Variants in ZNF431 observed in about 807,000 individuals in gnomAD.
ZNF431 encodes zinc finger protein 431.
Under a neutral mutation model 57.0 loss-of-function variants are expected in ZNF431, and 34 were observed. The ratio of observed to expected loss-of-function variants is 0.60; its 90% CI spans 0.45 to 0.79. The LOEUF is 0.79. Among genes scored for constraint, ZNF431 ranks in the 30% least tolerant of loss-of-function variants. The pLI, the probability that ZNF431 is intolerant of heterozygous loss-of-function variation, is 0.00. For missense variants in ZNF431, 607 were observed against 667.1 expected (o/e 0.91, Z 0.99); for synonymous variants, 207 against 220.3 (o/e 0.94, Z 0.54).
chr19:21,164,035 T>G (rs1256112277), intron 2 of ZNF431, among the ~76,000 whole-genome samples: 1 of 149,148 alleles, frequency 6.7e-6, no homozygotes, highest in East Asian at 2.0e-4. Context: ...GAGCTGAGAT[T>G]GCACCATTAC....
chr19:21,146,365 G>A (rs923477326), intron 2 of ZNF431, among the ~76,000 whole-genome samples: 55 of 147,586 alleles, frequency 3.7e-4, no homozygotes, highest in African/African-American at 1.2e-3. Flanking sequence ...AGCCGAGACC[G>A]TGCCACTGCA....
intron 4 of ZNF431, among the ~76,000 whole-genome samples, chr19:21,175,282 C>T (rs1971018926): frequency 6.6e-6 from 1 of 151,822 alleles, no homozygotes; most frequent in South Asian, 2.1e-4. Flanking sequence ...TCTCAAACTC[C>T]TGAGTTAAAG....
chr19:21,175,425 T>C, intron 4 of ZNF431: 1 of 696,484 alleles, frequency 1.4e-6, no homozygotes, highest in Non-Finnish European at 2.6e-6. Flanking sequence ...TTTTTTTAAG[T>C]TTAATTTAAT....
intron 4 of ZNF431, among the ~76,000 whole-genome samples, chr19:21,179,551 G>A (rs1971154957): frequency 1.4e-5 from 2 of 148,118 alleles, no homozygotes; most frequent in South Asian, 4.2e-4. Context: ...CAGAGATTCT[G>A]TTACATTGTC....
intron 4 of ZNF431, among the ~76,000 whole-genome samples, chr19:21,179,954 A>G (rs917435061): frequency 3.9e-4 from 60 of 152,246 alleles, no homozygotes; most frequent in African/African-American, 1.4e-3. Context: ...CAAGTTGTTC[A>G]TTCAGGAAAT....
At position 21,186,066 on chromosome 19, in the gene ZNF431, T is replaced by C. The variant is rs1388760520; in HGVS notation, c.*2032T>C. On this transcript the variant is annotated 3_prime_UTR_variant, in exon 5 of 5. Transcript: ENST00000311048. ...ACAGGCTGAGCGAGGGAGTGGATCT[T>C]GAGGTCAGCAGTTCGAGACCAGCAT... 5.3e-5 allele frequency: 8 copies of C among 152,016 alleles called. No homozygotes were observed. Among genetic ancestry groups the C allele is most frequent in the Non-Finnish European group, 1.0e-4 (7 of 68,002 alleles). 9.4% of individuals were successfully genotyped at this position (152,016 alleles called of 1,614,324 possible). A position where few individuals can be genotyped will look rare whatever the true frequency, so the allele number is the denominator to read the frequency against.
chr19:21,148,639 C>T (rs1026638883), intron 2 of ZNF431, among the ~76,000 whole-genome samples: 36 of 152,136 alleles, frequency 2.4e-4, no homozygotes, highest in Admixed American at 2.4e-3. Context: ...TCTTATATAA[C>T]CTTTTATCAA....
chr19:21,144,437 C>G (rs1337849620), intron 2 of ZNF431, among the ~76,000 whole-genome samples: 3 of 152,048 alleles, frequency 2.0e-5, no homozygotes, highest in Non-Finnish European at 2.9e-5. Context: ...CTCCTGACCT[C>G]AGATGATCTG....
intron 4 of ZNF431, among the ~76,000 whole-genome samples, chr19:21,179,588 T>C (rs1316079716): frequency 6.8e-6 from 1 of 147,746 alleles, no homozygotes; most frequent in Non-Finnish European, 1.5e-5. Context: ...TGAGACGGAG[T>C]CTCGCTCTGA....
chr19:21,142,334 T>G, intron 1 of ZNF431, 148 bp downstream of exon 1: 1 of 1,116,686 alleles, frequency 9.0e-7, no homozygotes, highest in Non-Finnish European at 1.3e-6. Context: ...CTCAGTCCCC[T>G]CCAGCCATAA....
intron 4 of ZNF431, 96 bp from the exon 5 acceptor site, chr19:21,182,527 C>T: frequency 1.5e-6 from 2 of 1,319,552 alleles, no homozygotes; most frequent in South Asian, 3.2e-5. Flanking sequence ...ATTATGGCAT[C>T]TTGTTTATGT....
intron 2 of ZNF431, chr19:21,150,029 C>T (rs1389343827): frequency 8.3e-5 from 49 of 593,372 alleles, no homozygotes; most frequent in Non-Finnish European, 8.6e-5. Context: ...AGTGTTAATT[C>T]CTGCTCGAAG....
intron 2 of ZNF431, among the ~76,000 whole-genome samples, chr19:21,160,751 A>G (rs749603722): frequency 5.9e-5 from 9 of 152,196 alleles, no homozygotes; most frequent in Non-Finnish European, 1.0e-4. Context: ...CTCCCTTCAT[A>G]TAAGAGGTCA....
intron 2 of ZNF431, among the ~76,000 whole-genome samples, chr19:21,154,300 G>C (rs553314593): frequency 1.3e-5 from 2 of 152,162 alleles, no homozygotes; most frequent in African/African-American, 4.8e-5. Context: ...ATAGTTTGCT[G>C]AGAATGATGG....
In ZNF431 at chr19:21,193,831, C is replaced by T. The variant is rs1740065502; in HGVS notation, c.*9797C>T. 6.6e-6 allele frequency: 1 copy of T among 152,044 alleles called. No individual in the cohort carries two copies. Among genetic ancestry groups the T allele is most frequent in the Non-Finnish European group, 1.5e-5 (1 of 68,002 alleles). The allele number at this position is 152,044 out of a possible 1,614,324, so 9.4% of individuals were successfully genotyped here. On this transcript the variant is annotated 3_prime_UTR_variant, in exon 5 of 5. Transcript: ENST00000311048. ...ATGCAGAAAAAGCATTCAAGAAAAT[C>T]CAGTATTCATTTATGAAAATATTCT...
chr19:21,193,307 T>A lies in ZNF431; in HGVS notation c.*9273T>A. On this transcript the variant is annotated 3_prime_UTR_variant, in exon 5 of 5. Coordinates refer to ENST00000311048, the MANE Select transcript of ZNF431 (RefSeq NM_133473.4). ...ACTTTGGAAGGCCGAGGTGGGCGGG[T>A]CACCTGAGGTCGGGAGTTTGAGACC... 6.6e-6 allele frequency: 1 copy of A among 152,164 alleles called. No homozygotes were observed. The highest frequency in any genetic ancestry group is 1.9e-4 in the East Asian group (1 of 5,180). 9.4% of individuals were successfully genotyped at this position (152,164 alleles called of 1,614,324 possible). A position where few individuals can be genotyped will look rare whatever the true frequency, so the allele number is the denominator to read the frequency against.
Position 21,167,662 on chromosome 19 carries a change from C to A in ZNF431, c.315C>A (p.Pro105=). Residue 105 remains proline, a synonymous_variant, in exon 4 of 5, where the codon CCC becomes CCA. Transcript: ENST00000311048. ...NMKRHEMVDE[P]PAMCSYFTKD... is the part of the protein sequence containing the mutation. Reference sequence around the variant, plus strand: ...AGAGACATGAGATGGTGGATGAACCCCCAGGTAGGTGAGAGTGAAAAAAAA... The same window carrying A: ...AGAGACATGAGATGGTGGATGAACCACCAGGTAGGTGAGAGTGAAAAAAAA... The A allele has an allele frequency of 6.4e-7, 1 of 1,560,690 alleles. No individual in the cohort carries two copies. The highest frequency in any genetic ancestry group is 8.7e-7 in the Non-Finnish European group (1 of 1,152,364).
intron 4 of ZNF431, among the ~76,000 whole-genome samples, chr19:21,179,222 A>G (rs1445753310): frequency 6.6e-6 from 1 of 151,948 alleles, no homozygotes; most frequent in Non-Finnish European, 1.5e-5. Context: ...TAGCCCCTTT[A>G]TCATTTTTTA....
intron 2 of ZNF431, among the ~76,000 whole-genome samples, chr19:21,159,359 A>G (rs1055974658): frequency 5.0e-5 from 6 of 120,550 alleles, no homozygotes; most frequent in Non-Finnish European, 9.1e-5. Flanking sequence ...CAAAAAGAGT[A>G]TACTATTCTT....
Sources: gnomAD v4.1 joint callset for allele counts (sites outside exome capture counted in the v4.1 genomes callset) on GRCh38, gnomAD v4.1.1 for gene constraint, MANE v1.5 for transcripts, NCBI Gene and HGNC (gene_info 2026-07-23, HGNC 2026-07-21) for gene names.